FHIP1A: variants seen among roughly 807,000 people sequenced by gnomAD.
The protein encoded by FHIP1A is FHF complex subunit HOOK-interacting protein 1A.
Under a neutral mutation model 88.6 loss-of-function variants are expected in FHIP1A, and 61 were observed. That is an observed-to-expected ratio of 0.69 (90% CI 0.56 to 0.85). The LOEUF (loss-of-function observed/expected upper bound fraction) is 0.85, where lower values mean the gene tolerates loss of function less well. FHIP1A is among the 40% of genes least tolerant of loss of function. The probability of loss-of-function intolerance (pLI) is 0.00; values close to 1 mark genes in which losing one functional copy is unlikely to be tolerated. For synonymous variants in FHIP1A, 478 were observed against 496.0 expected (o/e 0.96, Z 0.48); for missense variants, 1,154 against 1,273.5 (o/e 0.91, Z 1.43).
chr4:151,577,799 G>T lies in FHIP1A; in HGVS notation c.455G>T (p.Gly152Val), dbSNP rs1733857081. ...PLMMLLSSCS[G>V]TTTPTVEEKL... is the part of the protein sequence containing the mutation. ...ATGATGTTGCTGAGCTCTTGTTCAG[G>T]AACAACCACCCCCACTGTGGAGGAG... Residue 152 changes from glycine to valine, a missense_variant, in exon 5 of 14, where the codon GGA becomes GTA. By Grantham distance (109) the Gly-to-Val change is moderately radical. Coordinates refer to ENST00000435205, the MANE Select transcript of FHIP1A (RefSeq NM_001109977.3). 6.4e-7 allele frequency: 1 copy of T among 1,551,892 alleles called. No homozygotes were observed.
At position 151,665,405 on chromosome 4, in the gene FHIP1A, T is replaced by C. The variant is rs1158764902; in HGVS notation, c.*2651T>C. ...GATAACACTAACTTCCTATTTGGATTTGGAAACTGGTTCCTGTTTCTGAAT... is the reference window on the plus strand; with the variant it reads ...GATAACACTAACTTCCTATTTGGATCTGGAAACTGGTTCCTGTTTCTGAAT... On this transcript the variant is annotated 3_prime_UTR_variant, in exon 14 of 14. Transcript: ENST00000435205. Among the ~76,000 whole-genome samples, 1 of 152,226 alleles carries C rather than the reference T, an allele frequency of 6.6e-6. No individual in the cohort carries two copies. Among genetic ancestry groups the C allele is most frequent in the African/African-American group, 2.4e-5 (1 of 41,446 alleles).
rs1023013631 is a variant in FHIP1A at position 151,664,029 on chromosome 4, G to A, written c.*1275G>A. The stretch of plus-strand genomic sequence containing the variant: ...ACCAAGAGGGGAAAACAGAATAATT[G>A]TGAGCTGAAAATGAGACCATAAACA... On this transcript the variant is annotated 3_prime_UTR_variant, in exon 14 of 14. Coordinates refer to ENST00000435205, the MANE Select transcript of FHIP1A (RefSeq NM_001109977.3). 1.3e-5 allele frequency among the ~76,000 whole-genome samples: 2 copies of A among 152,172 alleles called. No individual in the cohort carries two copies. The highest frequency in any genetic ancestry group is 4.8e-5 in the African/African-American group (2 of 41,440).
chr4:151,529,548 A>C (rs1408098289), intron 3 of FHIP1A, among the ~76,000 whole-genome samples: 1 of 152,168 alleles, frequency 6.6e-6, no homozygotes, highest in African/African-American at 2.4e-5. Context: ...CCCATCACTC[A>C]TTCTGTCAGG....
At chr4:151,469,160 G>T (rs1277409541) in intron 2 of FHIP1A, among the ~76,000 whole-genome samples, 1 of 152,302 alleles carries the variant, frequency 6.6e-6, no homozygotes, top group African/African-American at 2.4e-5. Context: ...GTTTTAAGAA[G>T]TGTTCACAAG....
chr4:151,594,262 A>C (rs997165089), intron 7 of FHIP1A, among the ~76,000 whole-genome samples: 1 of 152,128 alleles, frequency 6.6e-6, no homozygotes, highest in Non-Finnish European at 1.5e-5. Flanking sequence ...TCATAAAATG[A>C]GTTAGGGAGG....
chr4:151,560,470 G>T (rs1447346258), intron 3 of FHIP1A, among the ~76,000 whole-genome samples: 2 of 152,090 alleles, frequency 1.3e-5, no homozygotes, highest in African/African-American at 4.8e-5. Flanking sequence ...AAGTGAGAGG[G>T]TTCTTCTTAG....
chr4:151,637,902 A>G (rs1477195048), intron 8 of FHIP1A, among the ~76,000 whole-genome samples: 1 of 152,208 alleles, frequency 6.6e-6, no homozygotes, highest in African/African-American at 2.4e-5. Context: ...CAACCTGCCT[A>G]GAAGACAGAC....
At chr4:151,569,566 A>G (rs1733518821) in intron 4 of FHIP1A, among the ~76,000 whole-genome samples, 1 of 151,920 alleles carries the variant, frequency 6.6e-6, no homozygotes, top group South Asian at 2.1e-4. Context: ...AAAAAAAAGG[A>G]AAAAATGAAG....
intron 4 of FHIP1A, among the ~76,000 whole-genome samples, chr4:151,572,884 G>A (rs1184563448): frequency 6.6e-6 from 1 of 152,130 alleles, no homozygotes; most frequent in African/African-American, 2.4e-5. Flanking sequence ...TTATCCTGAA[G>A]GGTAATCATT....
intron 4 of FHIP1A, among the ~76,000 whole-genome samples, chr4:151,567,905 G>A (rs574536305): frequency 2.8e-4 from 42 of 152,058 alleles, no homozygotes; most frequent in Admixed American, 1.8e-3. Flanking sequence ...CGTAATCTTC[G>A]CTCCCAGCCC....
rs115332352 is a variant in FHIP1A, at chr4:151,530,069, G to A, written c.-122-36069G>A. Among the ~76,000 whole-genome samples, 659 of 152,246 alleles carry A rather than the reference G, an allele frequency of 4.3e-3. 7 individuals carry two copies. The highest frequency in any genetic ancestry group is 0.014 in the African/African-American group (582 of 41,532). Reference sequence around the variant, plus strand: ...CTTCTAAGAAAGATTCTGAGTTTGCGTTTATTGAAAATAAGTCGTTCGAAC... The same window carrying A: ...CTTCTAAGAAAGATTCTGAGTTTGCATTTATTGAAAATAAGTCGTTCGAAC... On this transcript the variant is annotated intron_variant, in intron 3 of 13. Coordinates refer to ENST00000435205, the MANE Select transcript of FHIP1A (RefSeq NM_001109977.3).
intron 11 of FHIP1A, among the ~76,000 whole-genome samples, chr4:151,651,828 T>G (rs772816263): frequency 6.6e-6 from 1 of 152,248 alleles, no homozygotes; most frequent in Non-Finnish European, 1.5e-5. Context: ...AGAAAGCTTT[T>G]AATTCCACAA....
chr4:151,663,824 C>T lies in FHIP1A; in HGVS notation c.*1070C>T, dbSNP rs984159781. On this transcript the variant is annotated 3_prime_UTR_variant, in exon 14 of 14. Coordinates refer to ENST00000435205, the MANE Select transcript of FHIP1A (RefSeq NM_001109977.3). ...ACCTTGGATGTAAATGCAAACAGGT[C>T]ACCTGGAGCCCTGCAAAGCCAAGTG... is the stretch of plus-strand genomic sequence containing the variant. Among the ~76,000 whole-genome samples the T allele has an allele frequency of 2.6e-5, 4 of 152,136 alleles. No individual in the cohort carries two copies. Among genetic ancestry groups the T allele is most frequent in the Admixed American group, 2.6e-4 (4 of 15,278 alleles).
intron 3 of FHIP1A, among the ~76,000 whole-genome samples, chr4:151,519,815 C>G (rs915552738): frequency 6.6e-6 from 1 of 152,042 alleles, no homozygotes. Flanking sequence ...CTGGGGTTGT[C>G]AGTTTTTAAA....
intron 3 of FHIP1A, among the ~76,000 whole-genome samples, chr4:151,564,212 T>C (rs573330686): frequency 6.6e-6 from 1 of 152,236 alleles, no homozygotes; most frequent in East Asian, 1.9e-4. Flanking sequence ...TGAAGAAGAA[T>C]CTTTGAATTC....
chr4:151,624,986 C>T (rs1391236752), intron 7 of FHIP1A, among the ~76,000 whole-genome samples: 1 of 152,122 alleles, frequency 6.6e-6, no homozygotes, highest in Non-Finnish European at 1.5e-5. Context: ...GCTTCTTGTC[C>T]TTGGAGGGGA....
chr4:151,457,034 CAGAA>C (rs1180043657), intron 2 of FHIP1A, among the ~76,000 whole-genome samples: 3 of 152,054 alleles, frequency 2.0e-5, no homozygotes, highest in South Asian at 2.1e-4. Flanking sequence ...CTGGGAATGA[CAGAA>C]GGAGATTTTC....
intron 3 of FHIP1A, among the ~76,000 whole-genome samples, chr4:151,483,186 T>A (rs1054779429): frequency 4.6e-5 from 7 of 152,162 alleles, no homozygotes; most frequent in Non-Finnish European, 1.0e-4. Flanking sequence ...ATATTCTTTC[T>A]TATTAAAATC....
chr4:151,595,852 C>CT (rs972666253), intron 7 of FHIP1A, among the ~76,000 whole-genome samples: 10 of 151,850 alleles, frequency 6.6e-5, no homozygotes, highest in Non-Finnish European at 1.0e-4. Context: ...TGCAACACTG[C>CT]TTTTTTTTGC....
Sources: gnomAD v4.1 joint callset for allele counts (sites outside exome capture counted in the v4.1 genomes callset) on GRCh38, gnomAD v4.1.1 for gene constraint, MANE v1.5 for transcripts, NCBI Gene and HGNC (gene_info 2026-07-23, HGNC 2026-07-21) for gene names.